Variants in CHRDL1 observed in about 807,000 individuals in gnomAD.
The protein encoded by CHRDL1 is chordin like 1.
In CHRDL1, 19 loss-of-function variants were observed where a neutral mutation model predicts 40.9. That is an observed-to-expected ratio of 0.46 (90% CI 0.32 to 0.68). CHRDL1 has a LOEUF of 0.68. Among genes scored for constraint, CHRDL1 ranks in the 30% least tolerant of loss-of-function variants. CHRDL1 has a pLI of 0.03. For synonymous variants in CHRDL1, 136 were observed against 123.4 expected, an observed-to-expected ratio of 1.10 and a Z score of -0.68; for missense variants, 329 against 352.1, an observed-to-expected ratio of 0.93 and a Z score of 0.53.
At chrX:110,761,236 G>T (rs62595802) in intron 3 of CHRDL1, among the ~76,000 whole-genome samples, 308 of 111,770 alleles carry the variant, frequency 2.8e-3, no homozygotes, top group Admixed American at 4.3e-3. Context: ...CTCATAAGTG[G>T]CAGAGGCAGG....
chrX:110,718,129 T>C (rs1344303508), intron 6 of CHRDL1, among the ~76,000 whole-genome samples: 1 of 111,925 alleles, frequency 8.9e-6, no homozygotes, highest in African/African-American at 3.2e-5. Context: ...ACTTTAAAGA[T>C]TGGTAGAAAG....
chrX:110,681,469 T>C lies in CHRDL1; in HGVS notation c.1156+13A>G. The stretch of plus-strand genomic sequence containing the variant: ...CCCTTACAAAGATGAGAAATTAATG[T>C]TGTCTTGCTCACCCTTTCGAATAGT... On this transcript the variant is annotated intron_variant, in intron 10 of 11. Transcript: ENST00000372042. 8.4e-7 allele frequency: 1 copy of C among 1,192,702 alleles called. No homozygotes were observed. Among genetic ancestry groups the C allele is most frequent in the South Asian group, 1.8e-5 (1 of 54,847 alleles).
intron 8 of CHRDL1, among the ~76,000 whole-genome samples, chrX:110,689,312 G>C (rs971045717): frequency 2.1e-5 from 2 of 95,802 alleles, no homozygotes; most frequent in African/African-American, 3.8e-5. Flanking sequence ...GCCCAGGCTG[G>C]TCTGAAACTC....
At chrX:110,760,278 G>C (rs996864262) in intron 3 of CHRDL1, among the ~76,000 whole-genome samples, 4 of 112,137 alleles carry the variant, frequency 3.6e-5, no homozygotes, top group Non-Finnish European at 7.5e-5. Flanking sequence ...TTCTGAGGAC[G>C]AGCTAGAGTT....
intron 11 of CHRDL1, 42 bp downstream of exon 11, chrX:110,679,292 CTG>C: frequency 1.1e-6 from 1 of 934,372 alleles, no homozygotes; most frequent in Non-Finnish European, 1.6e-6. Context: ...AAATTGAAAA[CTG>C]AATGTGTTTT....
chrX:110,735,550 T>C (rs1299193976), intron 4 of CHRDL1, among the ~76,000 whole-genome samples: 4 of 112,123 alleles, frequency 3.6e-5, no homozygotes, highest in Admixed American at 2.8e-4. Context: ...ACACTCAACC[T>C]TCAGCTAAGA....
chrX:110,775,702 T>C (rs2089840559), intron 2 of CHRDL1, among the ~76,000 whole-genome samples: 1 of 111,653 alleles, frequency 9.0e-6, no homozygotes, highest in Non-Finnish European at 1.9e-5. Context: ...ACCATTCACA[T>C]TTAAAGTGAC....
chrX:110,735,692 C>T (rs191866741), intron 4 of CHRDL1, among the ~76,000 whole-genome samples: 1 of 112,529 alleles, frequency 8.9e-6, no homozygotes, highest in Non-Finnish European at 1.9e-5. Context: ...CCACTTGCAA[C>T]AACAGCCCAA....
intron 11 of CHRDL1, 90 bp downstream of exon 11, chrX:110,679,246 C>A: frequency 1.6e-6 from 1 of 629,315 alleles, no homozygotes; most frequent in Non-Finnish European, 2.7e-6. Context: ...CTAATGTTCA[C>A]TGAGATTGCG....
intron 8 of CHRDL1, among the ~76,000 whole-genome samples, chrX:110,691,616 T>A (rs2070280079): frequency 9.0e-6 from 1 of 111,725 alleles, no homozygotes; most frequent in Non-Finnish European, 1.9e-5. Flanking sequence ...ATTGGCTGAT[T>A]TGGCTGCAAG....
rs752161384 is a variant in CHRDL1 at position 110,793,368 on chromosome X, TGATAGA to T, written c.-34-1159_-34-1154del. Among the ~76,000 whole-genome samples the T allele has an allele frequency of 7.1e-5, 8 of 112,144 alleles. No homozygotes were observed. The South Asian group carries it at 3.0e-3, about 42-fold the overall frequency. On this transcript the variant is annotated intron_variant, in intron 1 of 11. Coordinates refer to ENST00000372042, the MANE Select transcript of CHRDL1 (RefSeq NM_001143981.2). ...GAATGCATAACCAAGGAAGAACTGATGATAGAGTAATCTGTGCTATCAAACAAGATT... is the reference window on the plus strand; with the variant it reads ...GAATGCATAACCAAGGAAGAACTGATGTAATCTGTGCTATCAAACAAGATT...
intron 10 of CHRDL1, 98 bp downstream of exon 10, chrX:110,681,384 C>A (rs1339072672): frequency 1.5e-6 from 1 of 686,003 alleles, no homozygotes; most frequent in Non-Finnish European, 2.2e-6. Flanking sequence ...AACTTTTAAT[C>A]CAAATGAGGG....
At chrX:110,680,042 C>T (rs1405869821) in intron 10 of CHRDL1, among the ~76,000 whole-genome samples, 1 of 111,923 alleles carries the variant, frequency 8.9e-6, no homozygotes, top group African/African-American at 3.3e-5. Context: ...AACAGGTAGA[C>T]AACTGACAAC....
intron 4 of CHRDL1, among the ~76,000 whole-genome samples, chrX:110,723,075 C>T (rs1338058938): frequency 9.0e-6 from 1 of 110,751 alleles, no homozygotes; most frequent in African/African-American, 3.3e-5. Flanking sequence ...ACAGTGAAAC[C>T]CCGTCTCTAC....
chrX:110,748,272 A>G (rs899695328), intron 4 of CHRDL1, among the ~76,000 whole-genome samples: 3 of 112,187 alleles, frequency 2.7e-5, no homozygotes, highest in African/African-American at 9.7e-5. Context: ...TTCCCTCAGA[A>G]AGCAATCGCA....
At chrX:110,702,495 C>G (rs902504760) in intron 6 of CHRDL1, among the ~76,000 whole-genome samples, 1 of 111,724 alleles carries the variant, frequency 9.0e-6, no homozygotes, top group Non-Finnish European at 1.9e-5. Context: ...GGGGAAGTAG[C>G]CATTCAGAGT....
chrX:110,715,368 G>T (rs1327336658), intron 6 of CHRDL1, among the ~76,000 whole-genome samples: 2 of 110,892 alleles, frequency 1.8e-5, no homozygotes, highest in Non-Finnish European at 3.8e-5. Context: ...ACTTAACTCG[G>T]GGGTAATAAA....
At chrX:110,749,430 G>C (rs920094764) in intron 4 of CHRDL1, among the ~76,000 whole-genome samples, 1 of 111,840 alleles carries the variant, frequency 8.9e-6, no homozygotes, top group East Asian at 2.8e-4. Context: ...GAGAGATACA[G>C]TACATATATT....
rs764791466 is a variant in CHRDL1, at chrX:110,681,476, G to A, written c.1156+6C>T. The A allele has an allele frequency of 4.2e-6, 5 of 1,198,597 alleles. No homozygotes were observed. The highest frequency in any genetic ancestry group is 5.6e-6 in the Non-Finnish European group (5 of 885,359). ...AAAGATGAGAAATTAATGTTGTCTT[G>A]CTCACCCTTTCGAATAGTCCAAACG... On this transcript the variant is annotated splice_donor_region_variant and intron_variant, in intron 10 of 11. Coordinates refer to ENST00000372042, the MANE Select transcript of CHRDL1 (RefSeq NM_001143981.2).
Sources: gnomAD v4.1 joint callset for allele counts (sites outside exome capture counted in the v4.1 genomes callset) on GRCh38, gnomAD v4.1.1 for gene constraint, MANE v1.5 for transcripts, NCBI Gene and HGNC (gene_info 2026-07-23, HGNC 2026-07-21) for gene names.